The following HOOK3 variants were observed in gnomAD, a reference collection of about 807,000 sequenced individuals.
HOOK3 encodes the protein protein Hook homolog 3.
HOOK3 carries 24 observed loss-of-function variants against 116.3 expected under a neutral mutation model. The ratio of observed to expected loss-of-function variants is 0.21; its 90% CI spans 0.15 to 0.29. The LOEUF (loss-of-function observed/expected upper bound fraction) is 0.29. Ranked by LOEUF, HOOK3 falls within the 10% of genes least tolerant of loss-of-function variation. The pLI is 1.00. For missense variants in HOOK3, 632 were observed against 830.2 expected (o/e 0.76, Z 2.93); for synonymous variants, 275 against 283.0 (o/e 0.97, Z 0.28).
chr8:42,897,224 TCCCCCCG>T, intron 1 of HOOK3, 36 bp downstream of exon 1: 1 of 1,208,048 alleles, frequency 8.3e-7, no homozygotes, highest in Non-Finnish European at 1.0e-6. Context: ...GAAGACCCCC[TCCCCCCG>T]CCACCTACCG....
chr8:43,002,381 ATAGT>A (rs1809397163), intron 17 of HOOK3, among the ~76,000 whole-genome samples: 1 of 152,314 alleles, frequency 6.6e-6, no homozygotes, highest in East Asian at 1.9e-4. Flanking sequence ...TGTGATAATC[ATAGT>A]TAGGAGTTTG....
At chr8:42,938,904 G>A (rs546257134) in intron 4 of HOOK3, among the ~76,000 whole-genome samples, 15 of 152,086 alleles carry the variant, frequency 9.9e-5, no homozygotes, top group South Asian at 2.1e-4. Context: ...TGAGATTAGC[G>A]AGTGGTGATG....
intron 2 of HOOK3, among the ~76,000 whole-genome samples, chr8:42,914,863 T>C (rs1563289880): frequency 6.6e-6 from 1 of 152,178 alleles, no homozygotes; most frequent in Non-Finnish European, 1.5e-5. Flanking sequence ...ATGCCTGTAA[T>C]CCCAGCACTT....
chr8:42,916,870 G>A (rs1050002658), intron 2 of HOOK3, among the ~76,000 whole-genome samples: 2 of 151,856 alleles, frequency 1.3e-5, no homozygotes, highest in African/African-American at 4.9e-5. Context: ...AAGTCTTTTC[G>A]GCAGCTGTCT....
At chr8:42,915,488 A>G (rs753442001) in intron 2 of HOOK3, among the ~76,000 whole-genome samples, 4 of 152,096 alleles carry the variant, frequency 2.6e-5, no homozygotes, top group South Asian at 2.1e-4. Context: ...TCGGAGAGCA[A>G]TGGTGCGATT....
chr8:43,005,214 ATTTTTTTTT>A (rs1178140233), intron 17 of HOOK3, among the ~76,000 whole-genome samples: 2 of 63,180 alleles, frequency 3.2e-5, no homozygotes, highest in Non-Finnish European at 5.7e-5. Context: ...TATATATATA[ATTTTTTTTT>A]TTTTTTTTTT....
In HOOK3 at chr8:43,018,785, C is replaced by T; in HGVS notation, c.*287C>T. ...ACTTTTCTTTGTATGAAAATGTCCT[C>T]TTCTTCAAAGGTATAGGCTTTGTAA... On this transcript the variant is annotated 3_prime_UTR_variant, in exon 22 of 22. Transcript: ENST00000307602. 1 of 298,984 alleles carries T rather than the reference C, an allele frequency of 3.3e-6. No individual in the cohort carries two copies. Among genetic ancestry groups the T allele is most frequent in the Admixed American group, 4.7e-5 (1 of 21,114 alleles). The allele number at this position is 298,984 out of a possible 1,614,324, so 18.5% of individuals were successfully genotyped here.
intron 18 of HOOK3, 66 bp from the exon 19 acceptor site, chr8:43,010,235 AATTT>A (rs1306605951): frequency 1.9e-5 from 6 of 314,546 alleles, no homozygotes; most frequent in African/African-American, 9.0e-5. Context: ...ATCTAAAATA[AATTT>A]ATTTATATTA....
rs541162674 is a variant in HOOK3, at chr8:42,957,672, G to A, written c.531+516G>A. 1.4e-4 allele frequency among the ~76,000 whole-genome samples: 21 copies of A among 151,956 alleles called. No individual in the cohort carries two copies. The South Asian group carries it at 2.5e-3, about 18-fold the overall frequency. The stretch of plus-strand genomic sequence containing the variant: ...AGATACTTACCTTTTATTTCTTTTC[G>A]TCAGTTGAAGATGTCTTCTCGATCC... On this transcript the variant is annotated intron_variant, in intron 7 of 21. Transcript: ENST00000307602.
intron 4 of HOOK3, among the ~76,000 whole-genome samples, chr8:42,933,301 T>A (rs1023713150): frequency 1.3e-5 from 2 of 152,232 alleles, no homozygotes; most frequent in African/African-American, 4.8e-5. Context: ...TTTATAAAAA[T>A]GTGTATGTAG....
chr8:42,943,085 T>G (rs1808159400), intron 4 of HOOK3, among the ~76,000 whole-genome samples: 1 of 152,114 alleles, frequency 6.6e-6, no homozygotes, highest in African/African-American at 2.4e-5. Flanking sequence ...TGTTTTGTTT[T>G]TTTTGCTCGA....
At chr8:42,958,338 G>T (rs554767784) in intron 7 of HOOK3, among the ~76,000 whole-genome samples, 3 of 151,966 alleles carry the variant, frequency 2.0e-5, no homozygotes, top group African/African-American at 4.8e-5. Context: ...CCACACAGAG[G>T]TTTGGTCACA....
chr8:42,923,078 A>G (rs1807690682), intron 2 of HOOK3, among the ~76,000 whole-genome samples: 1 of 152,210 alleles, frequency 6.6e-6, no homozygotes, highest in Admixed American at 6.5e-5. Context: ...CCCAGAGAGG[A>G]TATACAATGG....
At chr8:42,960,538 C>G (rs1808516265) in intron 8 of HOOK3, among the ~76,000 whole-genome samples, 1 of 152,082 alleles carries the variant, frequency 6.6e-6, no homozygotes, top group South Asian at 2.1e-4. Context: ...AGTTAAGATG[C>G]CAATGATAGA....
intron 16 of HOOK3, chr8:43,000,123 G>A (rs1809351980): frequency 2.2e-6 from 1 of 454,058 alleles, no homozygotes; most frequent in Non-Finnish European, 4.0e-6. Context: ...ACTCCAGCCT[G>A]GGCAACAGAG....
At chr8:42,941,992 ACTCACGCCTGTAAT>A (rs1187871925) in intron 4 of HOOK3, among the ~76,000 whole-genome samples, 1 of 152,090 alleles carries the variant, frequency 6.6e-6, no homozygotes, top group Non-Finnish European at 1.5e-5. Context: ...AGGTACGGTG[ACTCACGCCTGTAAT>A]CTCAGCACTT....
At chr8:42,990,196 A>C (rs899910306) in intron 15 of HOOK3, among the ~76,000 whole-genome samples, 4 of 151,650 alleles carry the variant, frequency 2.6e-5, no homozygotes, top group Non-Finnish European at 4.4e-5. Flanking sequence ...GGGTCTCCCT[A>C]TGTTGCCCAG....
chr8:43,027,555 G>T lies in HOOK3; in HGVS notation c.*9057G>T. ...CTGGAATAGAGAAGTCTAGACCCTG[G>T]CCTTTGAGGGAAAGGACTGCTTTTT... On this transcript the variant is annotated 3_prime_UTR_variant, in exon 22 of 22. Coordinates refer to ENST00000307602, the MANE Select transcript of HOOK3 (RefSeq NM_032410.4). The T allele has an allele frequency of 4.0e-6, 1 of 248,596 alleles. No individual in the cohort carries two copies. Among genetic ancestry groups the T allele is most frequent in the South Asian group, 6.5e-5 (1 of 15,328 alleles). 15.4% of individuals were successfully genotyped at this position (248,596 alleles called of 1,614,324 possible). A position where few individuals can be genotyped will look rare whatever the true frequency, so the allele number is the denominator to read the frequency against.
intron 2 of HOOK3, among the ~76,000 whole-genome samples, chr8:42,910,691 C>G (rs371272304): frequency 1.2e-4 from 18 of 152,262 alleles, no homozygotes; most frequent in African/African-American, 4.3e-4. Context: ...TGTATACAAC[C>G]TCACCAACAT....
Sources: allele counts gnomAD v4.1 joint callset (sites outside exome capture counted in the v4.1 genomes callset), GRCh38; gene constraint gnomAD v4.1.1; transcripts MANE v1.5; gene names NCBI Gene and HGNC (gene_info 2026-07-23, HGNC 2026-07-21).